The following PREP variants were observed in gnomAD, a reference collection of about 807,000 sequenced individuals.
The protein encoded by PREP is dJ355L5.1 (prolyl endopeptidase).
In PREP, 29 loss-of-function variants were observed where a neutral mutation model predicts 87.6. The ratio of observed to expected loss-of-function variants is 0.33; its 90% confidence interval spans 0.25 to 0.45. The LOEUF is 0.45. Among genes scored for constraint, PREP ranks in the 20% least tolerant of loss-of-function variants. The pLI is 1.00. For synonymous variants in PREP, 337 were observed against 328.6 expected, an observed-to-expected ratio of 1.03 and a Z score of -0.28; for missense variants, 695 against 886.5, an observed-to-expected ratio of 0.78 and a Z score of 2.74.
chr6:105,361,004 A>T (rs1772234540), intron 6 of PREP, among the ~76,000 whole-genome samples: 1 of 152,200 alleles, frequency 6.6e-6, no homozygotes, highest in Non-Finnish European at 1.5e-5. Flanking sequence ...CTTCAGGGTA[A>T]GTATGAAATA....
At chr6:105,398,124 G>T (rs551812886) in intron 1 of PREP, among the ~76,000 whole-genome samples, 197 bp from the exon 2 acceptor site, 1 of 152,270 alleles carries the variant, frequency 6.6e-6, no homozygotes, top group African/African-American at 2.4e-5. Flanking sequence ...TTCATGAAAA[G>T]AATGTTTCAG....
At chr6:105,310,067 T>C (rs1290296564) in intron 10 of PREP, among the ~76,000 whole-genome samples, 1 of 152,208 alleles carries the variant, frequency 6.6e-6, no homozygotes, top group African/African-American at 2.4e-5. Context: ...TAGGTTTTCT[T>C]AGCACAGCTG....
chr6:105,402,709 C>T lies in PREP; in HGVS notation c.45+138G>A. The T allele has an allele frequency of 5.1e-6, 4 of 783,538 alleles. No individual in the cohort carries two copies. The South Asian group carries it at 1.0e-4, about 20-fold the overall frequency. The allele number at this position is 783,538 out of a possible 1,614,324, so 48.5% of individuals were successfully genotyped here. Reference sequence around the variant, plus strand: ...GGAGCCCCGCGCCCCCGGCCCAATTCTCCCAAACAAAGGCCGAGGGGGAGG... The same window carrying T: ...GGAGCCCCGCGCCCCCGGCCCAATTTTCCCAAACAAAGGCCGAGGGGGAGG... On this transcript the variant is annotated intron_variant, in intron 1 of 14. Transcript: ENST00000652536.
At chr6:105,389,440 C>T (rs1028713014) in intron 2 of PREP, among the ~76,000 whole-genome samples, 7 of 152,170 alleles carry the variant, frequency 4.6e-5, no homozygotes, top group Non-Finnish European at 1.0e-4. Context: ...GAAGCAACAT[C>T]GGAAATGCCT....
chr6:105,330,152 T>C (rs550188635), intron 8 of PREP, among the ~76,000 whole-genome samples: 26 of 152,204 alleles, frequency 1.7e-4, no homozygotes, highest in African/African-American at 5.3e-4. Context: ...GTGAGCCAGG[T>C]AGAGAGCAGT....
intron 7 of PREP, among the ~76,000 whole-genome samples, 188 bp downstream of exon 7, chr6:105,352,784 C>G (rs1282237522): frequency 6.6e-6 from 1 of 152,086 alleles, no homozygotes. Flanking sequence ...AGAGAAAATG[C>G]TAAAGCCAAC....
chr6:105,402,814 G>A (rs1475338295), intron 1 of PREP, 33 bp downstream of exon 1: 4 of 1,530,966 alleles, frequency 2.6e-6, no homozygotes, highest in African/African-American at 2.7e-5. Flanking sequence ...ACCTTTGCCC[G>A]GGAGCCCTCT....
At chr6:105,309,614 CAAGAT>C (rs1031593952) in intron 10 of PREP, among the ~76,000 whole-genome samples, 1 of 151,880 alleles carries the variant, frequency 6.6e-6, no homozygotes, top group African/African-American at 2.4e-5. Context: ...AGTTGAAACT[CAAGAT>C]AAAATAAGTA....
rs558503126 is a variant in PREP, at chr6:105,312,662, C to T, written c.1317+11003G>A. Among the ~76,000 whole-genome samples the T allele has an allele frequency of 2.0e-5, 3 of 152,346 alleles. No individual in the cohort carries two copies. In the South Asian group the frequency reaches 6.2e-4, roughly 32 times the overall value. ...TCCATGCTGTATTTTCAACTAACAG[C>T]TGAATGTCCTCTTTCCCCGTCTTCT... On this transcript the variant is annotated intron_variant, in intron 10 of 14. Coordinates refer to ENST00000652536, the MANE Select transcript of PREP (RefSeq NM_002726.5).
chr6:105,341,945 T>A (rs1583067757), intron 7 of PREP, among the ~76,000 whole-genome samples: 1 of 152,198 alleles, frequency 6.6e-6, no homozygotes, highest in African/African-American at 2.4e-5. Context: ...AGCTGAATTC[T>A]ACCAGAGGTA....
At chr6:105,351,553 T>C (rs137889422) in intron 7 of PREP, among the ~76,000 whole-genome samples, 73 of 152,322 alleles carry the variant, frequency 4.8e-4, no homozygotes, top group African/African-American at 1.7e-3. Context: ...TTGCCAGCAC[T>C]TGAAAGTTTC....
intron 7 of PREP, among the ~76,000 whole-genome samples, chr6:105,336,287 C>T (rs1438368361): frequency 6.6e-6 from 1 of 152,122 alleles, no homozygotes; most frequent in East Asian, 1.9e-4. Context: ...ATAAAATATT[C>T]CCATATGTTA....
chr6:105,312,644 T>A (rs1770781210), intron 10 of PREP, among the ~76,000 whole-genome samples: 1 of 152,244 alleles, frequency 6.6e-6, no homozygotes, highest in African/African-American at 2.4e-5. Flanking sequence ...ACATCCATGC[T>A]GTATTTTCAA....
chr6:105,317,817 G>A (rs1182341596), intron 10 of PREP, among the ~76,000 whole-genome samples: 1 of 152,176 alleles, frequency 6.6e-6, no homozygotes, highest in Admixed American at 6.5e-5. Flanking sequence ...CCATCCTAAT[G>A]CCCAAATATT....
At chr6:105,315,576 T>A (rs1381524842) in intron 10 of PREP, among the ~76,000 whole-genome samples, 1 of 152,156 alleles carries the variant, frequency 6.6e-6, no homozygotes, top group Non-Finnish European at 1.5e-5. Flanking sequence ...AATCAACCTG[T>A]CCTTTGGAAC....
intron 7 of PREP, among the ~76,000 whole-genome samples, chr6:105,346,265 G>A (rs752327490): frequency 1.5e-4 from 23 of 152,170 alleles, no homozygotes; most frequent in Non-Finnish European, 2.1e-4. Flanking sequence ...AGAATGTCCA[G>A]CCCTGTCAGG....
intron 12 of PREP, 104 bp downstream of exon 12, chr6:105,285,382 G>C: frequency 8.8e-7 from 1 of 1,132,876 alleles, no homozygotes; most frequent in Admixed American, 2.0e-5. Context: ...TAGCCAAAAA[G>C]CTTTCCTGCT....
chr6:105,349,133 G>T lies in PREP; in HGVS notation c.823+3839C>A, dbSNP rs914796813. Among the ~76,000 whole-genome samples, 6 of 152,286 alleles carry T rather than the reference G, an allele frequency of 3.9e-5. No homozygotes were observed. In the East Asian group the frequency reaches 1.2e-3, roughly 29 times the overall value. ...ATGAGGTGAGTCATGGAAATTACCTGTTCAGAAAAGGTAAGAAGGAGCAAT... is the reference window on the plus strand; with the variant it reads ...ATGAGGTGAGTCATGGAAATTACCTTTTCAGAAAAGGTAAGAAGGAGCAAT... On this transcript the variant is annotated intron_variant, in intron 7 of 14. Coordinates refer to ENST00000652536, the MANE Select transcript of PREP (RefSeq NM_002726.5).
Position 105,403,080 on chromosome 6 carries a change from A to C in PREP, c.-189T>G, listed in dbSNP as rs1198827776. On this transcript the variant is annotated 5_prime_UTR_variant, in exon 1 of 15. Coordinates refer to ENST00000652536, the MANE Select transcript of PREP (RefSeq NM_002726.5). ...GGCGCGGCGGCGAGGACGTGCAGAA[A>C]GCAGGAAGCCGCTGTCTGCGAGGCC... is the stretch of plus-strand genomic sequence containing the variant. The C allele has an allele frequency of 1.5e-5, 4 of 263,898 alleles. No individual in the cohort carries two copies. The highest frequency in any genetic ancestry group is 2.8e-5 in the Non-Finnish European group (4 of 142,066). 16.3% of individuals were successfully genotyped at this position (263,898 alleles called of 1,614,324 possible).
Sources: gnomAD v4.1 joint callset for allele counts (sites outside exome capture counted in the v4.1 genomes callset) on GRCh38, gnomAD v4.1.1 for gene constraint, MANE v1.5 for transcripts, NCBI Gene and HGNC (gene_info 2026-07-23, HGNC 2026-07-21) for gene names.